The following GUSB variants were observed in gnomAD, a reference collection of about 807,000 sequenced individuals.
The protein encoded by GUSB is glucuronidase beta, also known as beta-glucuronidase.
A neutral mutation model predicts 74.6 loss-of-function variants in GUSB; 51 were observed. That is an observed-to-expected ratio of 0.68 (90% CI 0.55 to 0.86). The LOEUF is 0.86. GUSB is among the 40% of genes least tolerant of loss of function. GUSB has a pLI of 0.00. For synonymous variants in GUSB, 360 were observed against 348.3 expected (o/e 1.03, Z -0.37); for missense variants, 736 against 853.7 (o/e 0.86, Z 1.72).
chr7:65,976,189 G>C lies in GUSB; in HGVS notation c.738C>G (p.Tyr246Ter), dbSNP rs764866250. ...SVEQDSGLVN[Y>*]QISVKGSNLF... ...GGTTACTGCCCTTGACAGAGATCTG[G>C]TAATTCACCAGCCCTGCAAGAAACA... is the stretch of plus-strand genomic sequence containing the variant. Residue 246 changes from tyrosine to a stop codon, truncating the protein, a stop_gained, in exon 5 of 12, where the codon TAC becomes TAG. Transcript: ENST00000304895. LOFTEE classifies it high-confidence loss of function. The C allele has an allele frequency of 4.3e-6, 7 of 1,611,870 alleles. No individual in the cohort carries two copies. The Admixed American group carries it at 1.0e-4, about 23-fold the overall frequency.
Position 65,960,872 on chromosome 7 carries a change from G to T in GUSB, c.*25C>A. 1 of 1,606,826 alleles carries T rather than the reference G, an allele frequency of 6.2e-7. No homozygotes were observed. The highest frequency in any genetic ancestry group is 8.5e-7 in the Non-Finnish European group (1 of 1,173,454). On this transcript the variant is annotated 3_prime_UTR_variant, in exon 12 of 12. Coordinates refer to ENST00000304895, the MANE Select transcript of GUSB (RefSeq NM_000181.4). ...AGTCGCCCTGACTCGGGGAGGAAGG[G>T]ACACGCAGGTGGTATCAGTCTTGCT...
chr7:65,966,805 A>G (rs942911416), intron 10 of GUSB, among the ~76,000 whole-genome samples: 1 of 152,074 alleles, frequency 6.6e-6, no homozygotes, highest in Non-Finnish European at 1.5e-5. Flanking sequence ...AAAAAAGGCT[A>G]GCACAGTGGA....
chr7:65,969,283 G>C (rs772187622), intron 9 of GUSB, among the ~76,000 whole-genome samples: 1 of 152,120 alleles, frequency 6.6e-6, no homozygotes, highest in Non-Finnish European at 1.5e-5. Flanking sequence ...TCAGGAGGCC[G>C]AGGCAGAATT....
In GUSB at chr7:65,980,135, C is replaced by T. The variant is rs976560220; in HGVS notation, c.396+89G>A. On this transcript the variant is annotated intron_variant, in intron 2 of 11. Coordinates refer to ENST00000304895, the MANE Select transcript of GUSB (RefSeq NM_000181.4). ...AGGACCCCCCACCATCCCACCCCAG[C>T]ATACATGCCGTGGGTGGCAGCTGGA... The T allele has an allele frequency of 7.7e-6, 10 of 1,290,626 alleles. No homozygotes were observed. The Admixed American group carries it at 2.0e-4, about 25-fold the overall frequency. 79.9% of individuals were successfully genotyped at this position (1,290,626 alleles called of 1,614,324 possible). A position where few individuals can be genotyped will look rare whatever the true frequency, so the allele number is the denominator to read the frequency against.
At chr7:65,961,994 T>TC (rs919254891) in intron 11 of GUSB, among the ~76,000 whole-genome samples, 2 of 125,928 alleles carry the variant, frequency 1.6e-5, no homozygotes, top group African/African-American at 5.4e-5. Context: ...AGAGTGAGAC[T>TC]CCATCTCCAA....
intron 9 of GUSB, among the ~76,000 whole-genome samples, 184 bp downstream of exon 9, chr7:65,970,098 C>T (rs1402804729): frequency 6.6e-6 from 1 of 151,992 alleles, no homozygotes; most frequent in Non-Finnish European, 1.5e-5. Flanking sequence ...TGCTTGAGCC[C>T]AGGAGTTGGA....
rs138435796 is a variant in GUSB at position 65,979,768 on chromosome 7, G to A, written c.540C>T (p.Thr180=). ...IAINNTLTPT[T]LPPGTIQYLT... ...GGTATTGGATGGTCCCTGGTGGCAG[G>A]GTGGTGGGGGTGAGTGTGTTGTTGA... The change falls in exon 3 of 12, where the codon ACC becomes ACT. Residue 180 remains threonine, a synonymous_variant. Transcript: ENST00000304895. The A allele has an allele frequency of 1.9e-6, 3 of 1,613,840 alleles. No homozygotes were observed. Among genetic ancestry groups the A allele is most frequent in the Non-Finnish European group, 2.5e-6 (3 of 1,180,012 alleles).
At position 65,960,764 on chromosome 7, in the gene GUSB, G is replaced by T; in HGVS notation, c.*133C>A. On this transcript the variant is annotated 3_prime_UTR_variant, in exon 12 of 12. Coordinates refer to ENST00000304895, the MANE Select transcript of GUSB (RefSeq NM_000181.4). ...TTTCCACCTTTAGTGTTCCCTGCTA[G>T]AATAGATGACCACAAAACCCAGGCC... The T allele has an allele frequency of 1.3e-6, 1 of 778,184 alleles. No individual in the cohort carries two copies. Among genetic ancestry groups the T allele is most frequent in the Non-Finnish European group, 2.3e-6 (1 of 429,788 alleles). 48.2% of individuals were successfully genotyped at this position (778,184 alleles called of 1,614,324 possible). A position where few individuals can be genotyped will look rare whatever the true frequency, so the allele number is the denominator to read the frequency against.
intron 9 of GUSB, among the ~76,000 whole-genome samples, chr7:65,968,970 G>T (rs1040798167): frequency 6.6e-6 from 1 of 152,184 alleles, no homozygotes; most frequent in South Asian, 2.1e-4. Flanking sequence ...GGAGCAGGGC[G>T]GTGACGACCG....
intron 1 of GUSB, 140 bp from the exon 2 acceptor site, chr7:65,980,549 T>A: frequency 1.3e-6 from 1 of 787,070 alleles, no homozygotes; most frequent in Non-Finnish European, 2.2e-6. Context: ...GATAACTTGC[T>A]GATGACAGGT....
chr7:65,969,751 C>T lies in GUSB; in HGVS notation c.1476+531G>A, dbSNP rs115912923. On this transcript the variant is annotated intron_variant, in intron 9 of 11. Transcript: ENST00000304895. ...AACCCTGGACGTACTAAATCAGGAC[C>T]TCAGAATGCAGAGATCTGGCATTTC... 4.9e-3 allele frequency among the ~76,000 whole-genome samples: 743 copies of T among 152,280 alleles called. 8 individuals are homozygous for T. Among genetic ancestry groups the T allele is most frequent in the African/African-American group, 0.016 (651 of 41,548 alleles).
At position 65,980,287 on chromosome 7, in the gene GUSB, C is replaced by G. The variant is rs745604255; in HGVS notation, c.333G>C (p.Trp111Cys). ...CCACTCTTGTGCGCAGGTCCTGGGT[C>G]CATCGCTCCGGCAGGATCACCTCCC... ...YEREVILPER[W>C]TQDLRTRVVL... The change falls in exon 2 of 12, where the codon TGG becomes TGC. Residue 111 changes from tryptophan (W) to cysteine (C), a missense_variant. By Grantham distance (215) the Trp-to-Cys change is radical. Around this residue, in one of 2 missense-constraint regions of GUSB, gnomAD observed 368 missense variants for 363.8 expected, o/e 1.01. Transcript: ENST00000304895. 1 of 1,583,118 alleles carries G rather than the reference C, an allele frequency of 6.3e-7. No homozygotes were observed. Among genetic ancestry groups the G allele is most frequent in the South Asian group, 1.1e-5 (1 of 90,522 alleles).
chr7:65,966,018 A>C (rs1190040917), intron 10 of GUSB, among the ~76,000 whole-genome samples: 2 of 152,098 alleles, frequency 1.3e-5, no homozygotes, highest in Non-Finnish European at 2.9e-5. Context: ...TAAAAATACA[A>C]AATGAGGTGG....
intron 11 of GUSB, among the ~76,000 whole-genome samples, chr7:65,962,660 G>A (rs1790572976): frequency 6.6e-6 from 1 of 151,984 alleles, no homozygotes; most frequent in African/African-American, 2.4e-5. Flanking sequence ...ATCACCTGAG[G>A]TCGGTAGTTC....
intron 8 of GUSB, 56 bp from the exon 9 acceptor site, chr7:65,970,422 C>T: frequency 9.2e-7 from 1 of 1,085,550 alleles, no homozygotes; most frequent in Non-Finnish European, 1.4e-6. Context: ...GGCTCAGACA[C>T]CCTCCCATCC....
intron 10 of GUSB, among the ~76,000 whole-genome samples, chr7:65,966,457 CAT>C (rs1790842300): frequency 6.6e-6 from 1 of 151,808 alleles, no homozygotes; most frequent in South Asian, 2.1e-4. Flanking sequence ...GACAAACCAA[CAT>C]ATCTTTGGTG....
chr7:65,966,354 C>G (rs1790834639), intron 10 of GUSB, among the ~76,000 whole-genome samples: 3 of 151,740 alleles, frequency 2.0e-5, no homozygotes. Context: ...GTGTGTCAAC[C>G]AGGAGCTGTG....
In GUSB at chr7:65,980,253, T is replaced by G; in HGVS notation, c.367A>C (p.Ile123Leu). ...ATGGCATAGGAATGGGCACTGCCAA[T>G]CCTCAGCACCACTCTTGTGCGCAGG... ...QDLRTRVVLRIGSAHSYAIVW... is the reference protein window; with the variant it reads ...QDLRTRVVLRLGSAHSYAIVW... Residue 123 changes from isoleucine to leucine, a missense_variant, in exon 2 of 12, where the codon ATT (isoleucine) becomes CTT (leucine). Around this residue, in one of 2 missense-constraint regions of GUSB, gnomAD observed 368 missense variants for 363.8 expected, o/e 1.01. Transcript: ENST00000304895. The G allele has an allele frequency of 1.4e-6, 2 of 1,424,616 alleles. No individual in the cohort carries two copies. Among genetic ancestry groups the G allele is most frequent in the Non-Finnish European group, 1.9e-6 (2 of 1,068,392 alleles). 88.2% of individuals were successfully genotyped at this position (1,424,616 alleles called of 1,614,324 possible).
intron 1 of GUSB, 174 bp downstream of exon 1, chr7:65,981,800 G>A (rs549693410): frequency 4.0e-5 from 24 of 594,288 alleles, no homozygotes; most frequent in Non-Finnish European, 6.2e-5. Flanking sequence ...CGGCCCTCCA[G>A]GGTGCTCCTG....
Sources: gnomAD v4.1 joint callset for allele counts (sites outside exome capture counted in the v4.1 genomes callset) on GRCh38, gnomAD v4.1.1 for gene constraint, gnomAD v4.1.1 regional missense constraint, MANE v1.5 for transcripts, NCBI Gene and HGNC (gene_info 2026-07-23, HGNC 2026-07-21) for gene names.